CCDC60: variants seen among roughly 807,000 people sequenced by gnomAD.
CCDC60 encodes the protein coiled-coil domain containing 60.
Under a neutral mutation model 63.5 loss-of-function variants are expected in CCDC60, and 54 were observed. The ratio of observed to expected loss-of-function variants is 0.85; its 90% CI spans 0.68 to 1.07. The LOEUF (loss-of-function observed/expected upper bound fraction) is 1.07. CCDC60 is among the 50% of genes least tolerant of loss of function. CCDC60 has a pLI of 0.00. For synonymous variants in CCDC60, 206 were observed against 238.8 expected (o/e 0.86, Z 1.27); for missense variants, 651 against 684.3 (o/e 0.95, Z 0.54).
At chr12:119,425,498 C>A (rs1956884175) in intron 1 of CCDC60, among the ~76,000 whole-genome samples, 1 of 152,180 alleles carries the variant, frequency 6.6e-6, no homozygotes, top group Admixed American at 6.5e-5. Flanking sequence ...TTTGTGGCTG[C>A]AGGTAACAGA....
intron 11 of CCDC60, among the ~76,000 whole-genome samples, chr12:119,527,666 CTTTTTTTT>C (rs869099213): frequency 1.5e-4 from 13 of 84,974 alleles, no homozygotes; most frequent in Non-Finnish European, 2.8e-4. Flanking sequence ...TTCTTTCTTT[CTTTTTTTT>C]TTTTTTTTTT....
intron 1 of CCDC60, among the ~76,000 whole-genome samples, chr12:119,416,686 G>T (rs545963712): frequency 6.6e-6 from 1 of 152,180 alleles, no homozygotes; most frequent in South Asian, 2.1e-4. Flanking sequence ...CCTGAAGCAG[G>T]ACTGAAGAAC....
At chr12:119,409,890 A>T in intron 1 of CCDC60, among the ~76,000 whole-genome samples, 1 of 143,938 alleles carries the variant, frequency 6.9e-6, no homozygotes, top group South Asian at 2.2e-4. Context: ...CTCTTTTCCC[A>T]CCTCCCTCTC....
chr12:119,450,297 A>C (rs371081180), intron 2 of CCDC60, among the ~76,000 whole-genome samples: 21 of 152,324 alleles, frequency 1.4e-4, no homozygotes, highest in African/African-American at 5.1e-4. Flanking sequence ...ATGAGAAATT[A>C]CTGGGTACAA....
At chr12:119,527,110 T>G (rs985479175) in intron 11 of CCDC60, among the ~76,000 whole-genome samples, 31 of 152,204 alleles carry the variant, frequency 2.0e-4, no homozygotes, top group Non-Finnish European at 2.9e-4. Context: ...CATGTATTTT[T>G]GGGGAACATA....
chr12:119,380,993 G>A (rs1169671445), intron 1 of CCDC60, among the ~76,000 whole-genome samples: 1 of 152,110 alleles, frequency 6.6e-6, no homozygotes, highest in East Asian at 1.9e-4. Context: ...AGTGTAGAGA[G>A]ATGGCAAATA....
chr12:119,520,444 C>T (rs1014513618), intron 9 of CCDC60, among the ~76,000 whole-genome samples: 3 of 151,984 alleles, frequency 2.0e-5, no homozygotes, highest in South Asian at 2.1e-4. Flanking sequence ...GTGGGGAGGA[C>T]GCGGTACAAG....
At chr12:119,492,322 A>G (rs190240364) in intron 5 of CCDC60, among the ~76,000 whole-genome samples, 15 of 152,206 alleles carry the variant, frequency 9.9e-5, no homozygotes, top group Non-Finnish European at 1.8e-4. Context: ...GCTGATTTCA[A>G]TCTTACCAAC....
intron 1 of CCDC60, among the ~76,000 whole-genome samples, chr12:119,426,022 T>C (rs1049882136): frequency 3.3e-5 from 5 of 152,088 alleles, no homozygotes; most frequent in Non-Finnish European, 7.4e-5. Context: ...AAACGAATGT[T>C]CATTATGCAA....
intron 2 of CCDC60, among the ~76,000 whole-genome samples, chr12:119,464,302 C>T (rs879505813): frequency 7.6e-5 from 6 of 78,952 alleles, no homozygotes; most frequent in African/African-American, 3.6e-4. Context: ...CAAGAGCAAC[C>T]CCCCCCCCAC....
chr12:119,394,837 C>A (rs1385188918), intron 1 of CCDC60, among the ~76,000 whole-genome samples: 1 of 152,280 alleles, frequency 6.6e-6, no homozygotes. Context: ...TGAATAGGGG[C>A]AGATGCATAA....
rs369848772 is a variant in CCDC60, at chr12:119,404,882, G to A, written c.91-23801G>A. On this transcript the variant is annotated intron_variant, in intron 1 of 13. Coordinates refer to ENST00000327554, the MANE Select transcript of CCDC60 (RefSeq NM_178499.5). The stretch of plus-strand genomic sequence containing the variant: ...GAAATCTTTGCAGTTCCCACAAAAA[G>A]CTTGTGATCTGCAAACAAAAATGCT... Among the ~76,000 whole-genome samples the A allele has an allele frequency of 5.5e-4, 83 of 152,274 alleles. 1 individual carries two copies. The South Asian group carries it at 0.017, about 30-fold the overall frequency.
intron 5 of CCDC60, among the ~76,000 whole-genome samples, chr12:119,496,380 G>A (rs1451237192): frequency 6.6e-6 from 1 of 152,214 alleles, no homozygotes; most frequent in Non-Finnish European, 1.5e-5. Flanking sequence ...AGTTAAAAGA[G>A]ATTTGACAGT....
chr12:119,500,593 C>T (rs1951829858), intron 6 of CCDC60, among the ~76,000 whole-genome samples: 1 of 143,702 alleles, frequency 7.0e-6, no homozygotes, highest in Admixed American at 7.2e-5. Flanking sequence ...CTAGCTCATG[C>T]TTGTAATCCC....
Position 119,505,090 on chromosome 12 carries a change from A to G in CCDC60, c.670A>G (p.Thr224Ala), listed in dbSNP as rs746694220. 8 of 1,602,568 alleles carry G rather than the reference A, an allele frequency of 5.0e-6. No individual in the cohort carries two copies. The South Asian group carries it at 7.8e-5, about 16-fold the overall frequency. The change falls in exon 7 of 14, where the codon ACA becomes GCA. Residue 224 changes from threonine to alanine, a missense_variant. Transcript: ENST00000327554. ...TTAGACCAAGAAATTCAAAATTCCCACAATGCGAGTCACCAACCGCAAACC... is the reference window on the plus strand; with the variant it reads ...TTAGACCAAGAAATTCAAAATTCCCGCAATGCGAGTCACCAACCGCAAACC... ...APKTKKFKIP[T>A]MRVTNRKPSR... is the part of the protein sequence containing the mutation.
intron 2 of CCDC60, among the ~76,000 whole-genome samples, chr12:119,464,618 C>T (rs1950918843): frequency 1.3e-5 from 2 of 152,068 alleles, no homozygotes; most frequent in Admixed American, 1.3e-4. Context: ...TCAGACACAC[C>T]TCATTGTACT....
chr12:119,423,547 C>G (rs1454703637), intron 1 of CCDC60, among the ~76,000 whole-genome samples: 1 of 152,182 alleles, frequency 6.6e-6, no homozygotes, highest in Non-Finnish European at 1.5e-5. Flanking sequence ...CAGGGCATTT[C>G]ATCCCTTCTC....
chr12:119,397,511 A>G (rs1030300304), intron 1 of CCDC60, among the ~76,000 whole-genome samples: 1 of 151,646 alleles, frequency 6.6e-6, no homozygotes, highest in Non-Finnish European at 1.5e-5. Flanking sequence ...TCCTCACCAG[A>G]TTAGCTAGAT....
intron 1 of CCDC60, among the ~76,000 whole-genome samples, chr12:119,336,550 T>C (rs1955473897): frequency 3.3e-5 from 5 of 152,184 alleles, no homozygotes; most frequent in African/African-American, 1.2e-4. Context: ...ATATCCCCTC[T>C]CTCTATGGAG....
Sources: gnomAD v4.1 joint callset for allele counts (sites outside exome capture counted in the v4.1 genomes callset) on GRCh38, gnomAD v4.1.1 for gene constraint, MANE v1.5 for transcripts, NCBI Gene and HGNC (gene_info 2026-07-23, HGNC 2026-07-21) for gene names.